CUX2: variants seen among roughly 807,000 people sequenced by gnomAD.
CUX2 encodes the protein homeobox protein cut-like 2.
CUX2 carries 40 observed loss-of-function variants against 144.8 expected under a neutral mutation model. That is an observed-to-expected ratio of 0.28 (90% CI 0.21 to 0.36). The LOEUF (loss-of-function observed/expected upper bound fraction) is 0.36, where lower values mean the gene tolerates loss of function less well. CUX2 is among the 10% of genes least tolerant of loss of function. The pLI is 1.00. For missense variants in CUX2, 1,615 were observed against 1,994.0 expected (o/e 0.81, Z 3.62); for synonymous variants, 827 against 875.6 (o/e 0.94, Z 0.98).
chr12:111,260,944 A>G (rs1884091205), intron 3 of CUX2, among the ~76,000 whole-genome samples: 1 of 152,216 alleles, frequency 6.6e-6, no homozygotes, highest in Non-Finnish European at 1.5e-5. Context: ...TCTAAGACCC[A>G]TGAGATGAAT....
intron 3 of CUX2, among the ~76,000 whole-genome samples, chr12:111,232,276 G>A (rs759986594): frequency 9.2e-5 from 14 of 152,060 alleles, no homozygotes; most frequent in Admixed American, 2.0e-4. Context: ...AGCAGTTTGG[G>A]AGGCTGAGGC....
At chr12:111,226,433 C>T (rs1024438122) in intron 3 of CUX2, among the ~76,000 whole-genome samples, 3 of 152,318 alleles carry the variant, frequency 2.0e-5, no homozygotes, top group Non-Finnish European at 2.9e-5. Flanking sequence ...GAACCTGTCA[C>T]GCCATATTAC....
intron 1 of CUX2, among the ~76,000 whole-genome samples, chr12:111,096,671 G>A (rs766398783): frequency 7.9e-5 from 12 of 152,180 alleles, no homozygotes; most frequent in Non-Finnish European, 1.5e-4. Context: ...GGGTTTGTGA[G>A]TTGAGCTGGA....
At chr12:111,229,852 C>A (rs999776539) in intron 3 of CUX2, among the ~76,000 whole-genome samples, 6 of 152,032 alleles carry the variant, frequency 3.9e-5, no homozygotes, top group African/African-American at 1.5e-4. Context: ...GAAACCCCAT[C>A]TCTACAAAAA....
At chr12:111,328,972 T>TCTCTCC (rs1198113973) in intron 18 of CUX2, among the ~76,000 whole-genome samples, 2 of 80,056 alleles carry the variant, frequency 2.5e-5, no homozygotes, top group Non-Finnish European at 2.1e-5. Flanking sequence ...TCTCTCTCTC[T>TCTCTCC]CTCCCCCTCT....
chr12:111,118,670 T>C (rs1028277567), intron 1 of CUX2, among the ~76,000 whole-genome samples: 2 of 152,218 alleles, frequency 1.3e-5, no homozygotes, highest in Admixed American at 6.5e-5. Context: ...GGCTGCTGCA[T>C]TGGGACAATA....
intron 1 of CUX2, among the ~76,000 whole-genome samples, chr12:111,109,882 G>GA: frequency 6.6e-6 from 1 of 152,046 alleles, no homozygotes; most frequent in East Asian, 1.9e-4. Flanking sequence ...ACTTCTTTTT[G>GA]TTTTTTGGTT....
intron 1 of CUX2, among the ~76,000 whole-genome samples, chr12:111,043,916 G>GC (rs1869869386): frequency 6.6e-6 from 1 of 152,192 alleles, no homozygotes; most frequent in African/African-American, 2.4e-5. Context: ...ACTTCAGGGA[G>GC]CGTGATAGGA....
chr12:111,047,411 C>T (rs1870051371), intron 1 of CUX2, among the ~76,000 whole-genome samples: 1 of 152,148 alleles, frequency 6.6e-6, no homozygotes, highest in Admixed American at 6.5e-5. Context: ...CCACACTCTA[C>T]AGTTCGCGTT....
At chr12:111,345,567 T>C (rs939132593) in intron 21 of CUX2, among the ~76,000 whole-genome samples, 2 of 148,218 alleles carry the variant, frequency 1.3e-5, no homozygotes. Context: ...CATGGTAAAA[T>C]GCCTTCTCTA....
At chr12:111,096,501 A>G (rs937048134) in intron 1 of CUX2, among the ~76,000 whole-genome samples, 2 of 152,160 alleles carry the variant, frequency 1.3e-5, no homozygotes, top group Non-Finnish European at 2.9e-5. Context: ...CAGAAGAGGA[A>G]ACTGAGGCTC....
At chr12:111,145,431 T>C (rs573453983) in intron 1 of CUX2, among the ~76,000 whole-genome samples, 34 of 152,346 alleles carry the variant, frequency 2.2e-4, no homozygotes, top group African/African-American at 8.2e-4. Flanking sequence ...TACAGTGGCA[T>C]GATCATAGCT....
At chr12:111,311,120 T>C (rs1191776079) in intron 15 of CUX2, among the ~76,000 whole-genome samples, 3 of 152,214 alleles carry the variant, frequency 2.0e-5, no homozygotes, top group Non-Finnish European at 4.4e-5. Context: ...GTTCACCCAC[T>C]GGGTGACCTC....
At chr12:111,049,962 A>G (rs1193773494) in intron 1 of CUX2, among the ~76,000 whole-genome samples, 1 of 152,172 alleles carries the variant, frequency 6.6e-6, no homozygotes, top group Non-Finnish European at 1.5e-5. Flanking sequence ...CCTGTCAGAA[A>G]TGGTTCCACC....
chr12:111,050,400 G>A (rs2136011158), intron 1 of CUX2, among the ~76,000 whole-genome samples: 1 of 152,244 alleles, frequency 6.6e-6, no homozygotes, highest in Non-Finnish European at 1.5e-5. Context: ...AAACCTCTCT[G>A]TACAATAGCC....
At chr12:111,269,073 C>T (rs4766566) in intron 4 of CUX2, among the ~76,000 whole-genome samples, 64,397 of 152,108 alleles carry the variant, frequency 0.42, 17,661 homozygotes, top group African/African-American at 0.76. Context: ...TCTCCTCTTC[C>T]ATAAATTGAG....
At chr12:111,341,526 C>T (rs1888573852) in intron 20 of CUX2, among the ~76,000 whole-genome samples, 1 of 152,134 alleles carries the variant, frequency 6.6e-6, no homozygotes, top group Admixed American at 6.5e-5. Context: ...GAGGAATGCT[C>T]CTGAGTCTTC....
intron 19 of CUX2, among the ~76,000 whole-genome samples, chr12:111,337,041 A>T (rs913804192): frequency 6.6e-6 from 1 of 151,904 alleles, no homozygotes. Flanking sequence ...TGGGCATGGT[A>T]GTGTGTGCCT....
In CUX2 at chr12:111,119,443, A is replaced by C. The variant is rs569285245; in HGVS notation, c.63+85203A>C. ...ACATAGCGAGACCCCATCTTTAAAA[A>C]AAAAATTTTTTTTCTTCATTAAAAA... On this transcript the variant is annotated intron_variant, in intron 1 of 21. Coordinates refer to ENST00000261726, the MANE Select transcript of CUX2 (RefSeq NM_015267.4). Among the ~76,000 whole-genome samples, 277 of 152,164 alleles carry C rather than the reference A, an allele frequency of 1.8e-3. 1 individual carries two copies. The highest frequency in any genetic ancestry group is 5.8e-3 in the African/African-American group (242 of 41,462).
Sources: gnomAD v4.1 joint callset for allele counts (sites outside exome capture counted in the v4.1 genomes callset) on GRCh38, gnomAD v4.1.1 for gene constraint, MANE v1.5 for transcripts, NCBI Gene and HGNC (gene_info 2026-07-23, HGNC 2026-07-21) for gene names.